Variants in GRIK4 observed in about 807,000 individuals in gnomAD.
GRIK4 encodes glutamate ionotropic receptor kainate type subunit 4.
In GRIK4, 40 loss-of-function variants were observed where a neutral mutation model predicts 104.9. The ratio of observed to expected loss-of-function variants is 0.38; its 90% CI spans 0.30 to 0.50. The LOEUF (loss-of-function observed/expected upper bound fraction) is 0.50. GRIK4 is among the 20% of genes least tolerant of loss of function. The pLI is 0.93. For synonymous variants in GRIK4, 485 were observed against 524.9 expected (o/e 0.92, Z 1.04); for missense variants, 1,047 against 1,308.1 (o/e 0.80, Z 3.08).
intron 3 of GRIK4, among the ~76,000 whole-genome samples, chr11:120,705,288 G>A (rs11217980): frequency 0.26 from 38,833 of 150,206 alleles, 6,987 homozygotes; most frequent in African/African-American, 0.51. Context: ...CTGGAGTGCA[G>A]TGGCACAATC....
intron 4 of GRIK4, among the ~76,000 whole-genome samples, chr11:120,813,661 A>G (rs1171397697): frequency 6.6e-6 from 1 of 152,114 alleles, no homozygotes; most frequent in African/African-American, 2.4e-5. Context: ...TGCTGCCTGT[A>G]CCCCGTTCAG....
At chr11:120,925,381 C>T (rs1943321176) in intron 13 of GRIK4, among the ~76,000 whole-genome samples, 1 of 152,290 alleles carries the variant, frequency 6.6e-6, no homozygotes, top group East Asian at 1.9e-4. Flanking sequence ...TTTACACAGG[C>T]CCCCGATCAC....
chr11:120,916,759 CAG>C (rs1943112590), intron 13 of GRIK4, among the ~76,000 whole-genome samples: 1 of 152,192 alleles, frequency 6.6e-6, no homozygotes, highest in Non-Finnish European at 1.5e-5. Context: ...GTCTATGAAA[CAG>C]AAATGAACTT....
intron 1 of GRIK4, among the ~76,000 whole-genome samples, chr11:120,592,185 A>C (rs2135114369): frequency 6.6e-6 from 1 of 152,342 alleles, no homozygotes; most frequent in African/African-American, 2.4e-5. Flanking sequence ...AGTACTTGAC[A>C]GAGAGGCTTT....
intron 3 of GRIK4, among the ~76,000 whole-genome samples, chr11:120,721,798 C>G (rs1171497998): frequency 1.3e-5 from 2 of 152,090 alleles, no homozygotes; most frequent in African/African-American, 4.8e-5. Flanking sequence ...ACTGGCTAAC[C>G]CTGGGAGGGG....
At chr11:120,890,963 A>T (rs1182931299) in intron 11 of GRIK4, among the ~76,000 whole-genome samples, 1 of 152,238 alleles carries the variant, frequency 6.6e-6, no homozygotes, top group African/African-American at 2.4e-5. Flanking sequence ...ATAAAATATG[A>T]AATGTTATAG....
At chr11:120,963,371 T>C (rs1944325611) in intron 18 of GRIK4, among the ~76,000 whole-genome samples, 1 of 152,226 alleles carries the variant, frequency 6.6e-6, no homozygotes, top group Non-Finnish European at 1.5e-5. Context: ...CTTTGGACTT[T>C]GGGCCTTCCC....
intron 1 of GRIK4, among the ~76,000 whole-genome samples, chr11:120,531,595 A>G (rs1405736900): frequency 1.4e-5 from 2 of 145,924 alleles, no homozygotes; most frequent in African/African-American, 5.4e-5. Flanking sequence ...TTTTTTTTTG[A>G]GACTGAGTCT....
At chr11:120,915,938 C>A (rs1943096719) in intron 13 of GRIK4, among the ~76,000 whole-genome samples, 1 of 152,138 alleles carries the variant, frequency 6.6e-6, no homozygotes, top group Non-Finnish European at 1.5e-5. Flanking sequence ...AGACTCAGAC[C>A]CCAATCTTGG....
In GRIK4 at chr11:120,956,895, C is replaced by T. The variant is rs1944166074; in HGVS notation, c.1816C>T (p.Gln606Ter). The T allele has an allele frequency of 6.2e-7, 1 of 1,613,858 alleles. No homozygotes were observed. Among genetic ancestry groups the T allele is most frequent in the South Asian group, 1.1e-5 (1 of 91,064 alleles). The change falls in exon 16 of 21, where the codon CAG (glutamine) becomes TAG (stop). Residue 606 changes from glutamine to a stop codon, truncating the protein, a stop_gained. Transcript: ENST00000527524. LOFTEE classifies it high-confidence loss of function. The surrounding 1 kb of genome is among the most constrained non-coding windows in gnomAD (Gnocchi z 4.6). The part of the protein sequence containing the change: ...SLWFPVGGFM[Q>*]QGSTIAPRAL... ...CTGGTTTCCGGTCGGGGGGTTCATG[C>T]AGCAAGGCTCCACCATCGCCCCTCG...
intron 19 of GRIK4, among the ~76,000 whole-genome samples, chr11:120,981,798 G>A (rs1180034963): frequency 1.3e-5 from 2 of 152,052 alleles, no homozygotes; most frequent in Non-Finnish European, 2.9e-5. Context: ...GAGTTTGCCC[G>A]AGCCCTTTTC....
chr11:120,675,386 T>C (rs141863761), intron 3 of GRIK4, among the ~76,000 whole-genome samples: 2 of 152,294 alleles, frequency 1.3e-5, no homozygotes, highest in Non-Finnish European at 2.9e-5. Flanking sequence ...CCAAAATTTG[T>C]GTGCCTGAAT....
At chr11:120,897,066 G>A (rs1942601608) in intron 11 of GRIK4, among the ~76,000 whole-genome samples, 1 of 152,196 alleles carries the variant, frequency 6.6e-6, no homozygotes, top group Non-Finnish European at 1.5e-5. Flanking sequence ...TGTAATCTCA[G>A]CACTTTGGGA....
chr11:120,951,292 T>G (rs11218077), intron 14 of GRIK4, among the ~76,000 whole-genome samples: 1 of 152,132 alleles, frequency 6.6e-6, no homozygotes, highest in African/African-American at 2.4e-5. Flanking sequence ...AACAGGAGCG[T>G]GCAGAACTGT....
intron 16 of GRIK4, 45 bp from the exon 17 acceptor site, chr11:120,960,863 AG>A (rs760763831): frequency 3.3e-6 from 5 of 1,536,738 alleles, no homozygotes; most frequent in Non-Finnish European, 3.6e-6. Flanking sequence ...CCAAGACTCC[AG>A]GGAGTGCCCG....
Position 120,986,260 on chromosome 11 carries a change from G to A in GRIK4, c.2871G>A (p.Ter957=). 1 of 1,557,224 alleles carries A rather than the reference G, an allele frequency of 6.4e-7. No homozygotes were observed. The highest frequency in any genetic ancestry group is 8.6e-7 in the Non-Finnish European group (1 of 1,161,938). ...EKTTNSSEPE[*] is the part of the protein sequence containing the mutation. The stretch of plus-strand genomic sequence containing the variant: ...CCACCAACAGCAGCGAGCCCGAGTA[G>A]TCCCGGAGGCCACAGGACGCGCAGA... The change falls in exon 21 of 21, where the codon TAG becomes TAA. Residue 957 remains the stop codon, a stop_retained_variant. Coordinates refer to ENST00000527524, the MANE Select transcript of GRIK4 (RefSeq NM_014619.5).
chr11:120,730,633 T>A (rs1951111695), intron 3 of GRIK4, among the ~76,000 whole-genome samples: 1 of 152,136 alleles, frequency 6.6e-6, no homozygotes, highest in Admixed American at 6.5e-5. Context: ...GAGATTGCAC[T>A]GCATCTGTAG....
chr11:120,795,220 G>A (rs1167517302), intron 3 of GRIK4, among the ~76,000 whole-genome samples: 2 of 152,196 alleles, frequency 1.3e-5, no homozygotes, highest in Non-Finnish European at 2.9e-5. Context: ...ATCTTCAGCA[G>A]CGAGGCTCTG....
At chr11:120,888,875 A>G (rs73578603) in intron 11 of GRIK4, among the ~76,000 whole-genome samples, 3,014 of 152,318 alleles carry the variant, frequency 0.02, 93 homozygotes, top group African/African-American at 0.068. Flanking sequence ...ATGGGTTGCA[A>G]CCCACAGTTT....
Sources: allele counts gnomAD v4.1 joint callset (sites outside exome capture counted in the v4.1 genomes callset), GRCh38; gene constraint gnomAD v4.1.1; non-coding constraint Gnocchi (gnomAD v3.1); transcripts MANE v1.5; gene names NCBI Gene and HGNC (gene_info 2026-07-23, HGNC 2026-07-21).